Variants in EDARADD observed in about 807,000 individuals in gnomAD.
EDARADD encodes ectodysplasin-A receptor-associated adapter protein.
In EDARADD, 20 loss-of-function variants were observed where a neutral mutation model predicts 25.6. That is an observed-to-expected ratio of 0.78 (90% CI 0.55 to 1.14). EDARADD has a LOEUF of 1.14. Ranked by LOEUF, EDARADD falls within the 50% of genes most tolerant of loss-of-function variation. The probability of loss-of-function intolerance (pLI) is 0.00; values close to 1 mark genes in which losing one functional copy is unlikely to be tolerated. For missense variants in EDARADD, 225 were observed against 270.1 expected, an observed-to-expected ratio of 0.83 and a Z score of 1.17; for synonymous variants, 86 against 94.4, an observed-to-expected ratio of 0.91 and a Z score of 0.52.
chr1:236,424,310 T>A (rs545141314), intron 3 of EDARADD, among the ~76,000 whole-genome samples: 1 of 151,970 alleles, frequency 6.6e-6, no homozygotes, highest in South Asian at 2.1e-4. Context: ...GATAGGCATG[T>A]GACACCATGC....
At chr1:236,421,956 A>T (rs896696761) in intron 3 of EDARADD, among the ~76,000 whole-genome samples, 1 of 152,196 alleles carries the variant, frequency 6.6e-6, no homozygotes, top group African/African-American at 2.4e-5. Flanking sequence ...AAGGCACTTG[A>T]CCAGGAGGGA....
chr1:236,382,978 C>T lies in EDARADD; in HGVS notation c.-5-26238C>T, dbSNP rs76973172. Among the ~76,000 whole-genome samples, 1,119 of 152,262 alleles carry T rather than the reference C, an allele frequency of 7.3e-3. 16 individuals carry two copies. The highest frequency in any genetic ancestry group is 0.026 in the African/African-American group (1,066 of 41,538). On this transcript the variant is annotated intron_variant, in intron 3 of 7. Transcript: ENST00000439430. ...ATCTCTCTGGGAAGTCTTTACCCTA[C>T]AGTATTCTGTCCTGAGACTTCTAGA...
intron 1 of EDARADD, among the ~76,000 whole-genome samples, chr1:236,399,160 A>G (rs1667571900): frequency 6.6e-6 from 1 of 152,152 alleles, no homozygotes; most frequent in Non-Finnish European, 1.5e-5. Context: ...ATTATAGTAT[A>G]TTATGAGTTA....
intron 3 of EDARADD, among the ~76,000 whole-genome samples, chr1:236,366,941 G>A (rs1228109766): frequency 6.6e-6 from 1 of 151,796 alleles, no homozygotes; most frequent in Non-Finnish European, 1.5e-5. Flanking sequence ...GCCGGGCATG[G>A]TGGCACGCAC....
At chr1:236,371,692 C>T (rs1365779752) in intron 3 of EDARADD, among the ~76,000 whole-genome samples, 3 of 151,744 alleles carry the variant, frequency 2.0e-5, no homozygotes, top group Non-Finnish European at 4.4e-5. Flanking sequence ...GCCTCAGCCT[C>T]CCAAGTAGCT....
rs1463541984 is a variant in EDARADD, at chr1:236,484,723, A to G, written c.*2074A>G. ...GTCCGTCCCAGAAAAAAAAAAAAAA[A>G]AAAAGAACTTCTACAGAAGCCAAGC... On this transcript the variant is annotated 3_prime_UTR_variant, in exon 6 of 6. Transcript: ENST00000334232. This position sits in a 1 kb window ranked among gnomAD's most constrained non-coding sequence, Gnocchi z 4.1. 3.1e-6 allele frequency: 1 copy of G among 317,582 alleles called. No individual in the cohort carries two copies. Among genetic ancestry groups the G allele is most frequent in the East Asian group, 6.3e-5 (1 of 15,880 alleles). The allele number at this position is 317,582 out of a possible 1,614,324, so 19.7% of individuals were successfully genotyped here.
At chr1:236,417,368 A>G (rs1292891654) in intron 3 of EDARADD, among the ~76,000 whole-genome samples, 2 of 152,206 alleles carry the variant, frequency 1.3e-5, no homozygotes, top group Admixed American at 1.3e-4. Context: ...TACTTCATTC[A>G]CAGAGAGTAT....
intron 4 of EDARADD, among the ~76,000 whole-genome samples, chr1:236,433,271 A>G (rs1321876557): frequency 6.6e-6 from 1 of 150,814 alleles, no homozygotes; most frequent in Non-Finnish European, 1.5e-5. Context: ...AAAACAGCAA[A>G]TAACCCTGGG....
Position 236,431,587 on chromosome 1 carries a change from T to C in EDARADD, c.219+4137T>C, listed in dbSNP as rs184790999. Reference sequence around the variant, plus strand: ...TCTAAGACCAATCTGAACTGGGTATTCTTGGACATAAAAAATACAGGAGGA... The same window carrying C: ...TCTAAGACCAATCTGAACTGGGTATCCTTGGACATAAAAAATACAGGAGGA... On this transcript the variant is annotated intron_variant, in intron 4 of 5. Transcript: ENST00000334232. Among the ~76,000 whole-genome samples the C allele has an allele frequency of 1.2e-3, 182 of 152,246 alleles. 1 individual carries two copies. The highest frequency in any genetic ancestry group is 4.3e-3 in the African/African-American group (177 of 41,508).
intron 3 of EDARADD, among the ~76,000 whole-genome samples, chr1:236,378,550 A>T (rs1667253208): frequency 6.6e-6 from 1 of 152,220 alleles, no homozygotes; most frequent in Non-Finnish European, 1.5e-5. Flanking sequence ...TCTCTGACAA[A>T]TGTAAGAAGA....
intron 2 of EDARADD, among the ~76,000 whole-genome samples, chr1:236,410,215 T>C (rs1657430081): frequency 6.6e-6 from 1 of 152,046 alleles, no homozygotes. Context: ...CTGTACCTAA[T>C]AGGTAATTTT....
intron 3 of EDARADD, among the ~76,000 whole-genome samples, chr1:236,367,229 A>C (rs991973989): frequency 4.7e-5 from 7 of 149,324 alleles, no homozygotes; most frequent in Non-Finnish European, 1.0e-4. Flanking sequence ...TGTTTTATTT[A>C]TTTTATTTTA....
rs149296939 is a variant in EDARADD at position 236,471,767 on chromosome 1, C to T, written c.265+3491C>T. ...TTGCAGCAGTGGAGGGAAACACTCC[C>T]GTGGCAATCACTCTCCAAAAGCCAG... On this transcript the variant is annotated intron_variant, in intron 5 of 5. Transcript: ENST00000334232. Among the ~76,000 whole-genome samples the T allele has an allele frequency of 3.1e-3, 468 of 152,214 alleles. 1 individual carries two copies. Among genetic ancestry groups the T allele is most frequent in the Non-Finnish European group, 3.9e-3 (266 of 68,010 alleles).
chr1:236,477,266 A>C (rs771023856), intron 5 of EDARADD, among the ~76,000 whole-genome samples: 5 of 152,122 alleles, frequency 3.3e-5, no homozygotes, highest in Non-Finnish European at 5.9e-5. Flanking sequence ...CTGTAATCTC[A>C]GTACTCTGGG....
chr1:236,455,466 A>G (rs1335253360), intron 4 of EDARADD, among the ~76,000 whole-genome samples: 1 of 152,192 alleles, frequency 6.6e-6, no homozygotes, highest in Non-Finnish European at 1.5e-5. Context: ...TAGACTGGAG[A>G]GTCCTTTAGT....
chr1:236,400,497 C>T (rs1183607542), intron 1 of EDARADD, among the ~76,000 whole-genome samples: 9 of 152,090 alleles, frequency 5.9e-5, no homozygotes, highest in African/African-American at 1.9e-4. Flanking sequence ...AGCACCACCA[C>T]GCAGCAGCAC....
chr1:236,436,624 CAAAAAAAA>C (rs5781885), intron 4 of EDARADD, among the ~76,000 whole-genome samples: 22 of 94,214 alleles, frequency 2.3e-4, no homozygotes, highest in East Asian at 1.5e-3. Context: ...AAGATCTTGT[CAAAAAAAA>C]AAAAAAAAAA....
At chr1:236,363,034 A>T (rs556641957) in intron 3 of EDARADD, among the ~76,000 whole-genome samples, 38 of 84,342 alleles carry the variant, frequency 4.5e-4, no homozygotes, top group Middle Eastern at 7.1e-3. Context: ...TATATATATA[A>T]AATTTGTGTA....
At chr1:236,408,346 G>T (rs1336244539) in intron 1 of EDARADD, among the ~76,000 whole-genome samples, 1 of 152,074 alleles carries the variant, frequency 6.6e-6, no homozygotes, top group Admixed American at 6.5e-5. Context: ...GGGACTACAG[G>T]TGTGCACCAC....
Sources: gnomAD v4.1 joint callset for allele counts (sites outside exome capture counted in the v4.1 genomes callset) on GRCh38, gnomAD v4.1.1 for gene constraint, Gnocchi (gnomAD v3.1) non-coding constraint, MANE v1.5 for transcripts, NCBI Gene and HGNC (gene_info 2026-07-23, HGNC 2026-07-21) for gene names.